The following BCAT1 variants were observed in gnomAD, a reference collection of about 807,000 sequenced individuals.
BCAT1 encodes branched chain amino acid transaminase 1, also known as branched-chain-amino-acid aminotransferase, cytosolic.
Under a neutral mutation model 52.4 loss-of-function variants are expected in BCAT1, and 48 were observed. The observed-to-expected ratio is 0.92, with a 90% confidence interval of 0.73 to 1.16. The LOEUF (loss-of-function observed/expected upper bound fraction) is 1.16, where lower values mean the gene tolerates loss of function less well. Among genes scored for constraint, BCAT1 ranks in the 50% most tolerant of loss-of-function variants. BCAT1 has a pLI of 0.00. For synonymous variants in BCAT1, 167 were observed against 161.3 expected (o/e 1.04, Z -0.27); for missense variants, 451 against 457.1 (o/e 0.99, Z 0.12).
chr12:24,918,172 C>T (rs899462044), intron 1 of BCAT1, among the ~76,000 whole-genome samples: 7 of 152,146 alleles, frequency 4.6e-5, no homozygotes, highest in Non-Finnish European at 7.3e-5. Flanking sequence ...GGGGAAGGTC[C>T]CCATGAGAAG....
intron 5 of BCAT1, among the ~76,000 whole-genome samples, chr12:24,851,765 G>A (rs1941520026): frequency 6.6e-6 from 1 of 152,152 alleles, no homozygotes. Context: ...TTCATTGTTT[G>A]GGAGGAAAAA....
intron 7 of BCAT1, among the ~76,000 whole-genome samples, chr12:24,840,355 G>C (rs766433844): frequency 6.6e-6 from 1 of 152,108 alleles, no homozygotes. Flanking sequence ...GGTAAGAGTG[G>C]GCAGATGGGA....
chr12:24,853,182 G>T (rs1333274183), intron 5 of BCAT1, among the ~76,000 whole-genome samples: 1 of 152,056 alleles, frequency 6.6e-6, no homozygotes, highest in East Asian at 1.9e-4. Context: ...CAACAACAAA[G>T]ACATGGAATC....
At chr12:24,931,835 T>C (rs932606791) in intron 1 of BCAT1, among the ~76,000 whole-genome samples, 3 of 152,084 alleles carry the variant, frequency 2.0e-5, no homozygotes, top group African/African-American at 7.3e-5. Context: ...CGCCACACGA[T>C]TCAGAAAACC....
At chr12:24,948,801 C>A in intron 1 of BCAT1, 126 bp downstream of exon 1, 2 of 1,021,172 alleles carry the variant, frequency 2.0e-6, no homozygotes, top group Non-Finnish European at 2.9e-6. Context: ...GAGACGTTTG[C>A]GGGGGATATA....
intron 1 of BCAT1, among the ~76,000 whole-genome samples, chr12:24,930,632 T>C (rs1232941379): frequency 3.3e-5 from 5 of 152,222 alleles, no homozygotes; most frequent in African/African-American, 1.2e-4. Context: ...ATCACTTTTT[T>C]ACCTCTTCCA....
intron 5 of BCAT1, 110 bp downstream of exon 5, chr12:24,878,420 A>T: frequency 1.0e-6 from 1 of 961,328 alleles, no homozygotes; most frequent in Non-Finnish European, 1.4e-6. Flanking sequence ...AGAAGTCATT[A>T]ATGATGCTAC....
At chr12:24,943,769 G>A (rs1482449823) in intron 1 of BCAT1, among the ~76,000 whole-genome samples, 1 of 152,036 alleles carries the variant, frequency 6.6e-6, no homozygotes, top group South Asian at 2.1e-4. Flanking sequence ...CAGATCACGA[G>A]GTCAGGAGAT....
intron 5 of BCAT1, among the ~76,000 whole-genome samples, chr12:24,874,443 G>T (rs528180872): frequency 1.3e-5 from 2 of 152,140 alleles, no homozygotes; most frequent in African/African-American, 4.8e-5. Context: ...TAATTATATG[G>T]CAGTGACTGA....
intron 1 of BCAT1, among the ~76,000 whole-genome samples, chr12:24,930,579 C>A (rs1210549695): frequency 6.6e-6 from 1 of 152,214 alleles, no homozygotes; most frequent in Non-Finnish European, 1.5e-5. Flanking sequence ...CAAAGCATTT[C>A]TCACTTAATT....
At chr12:24,931,892 T>C (rs1943681899) in intron 1 of BCAT1, among the ~76,000 whole-genome samples, 1 of 152,154 alleles carries the variant, frequency 6.6e-6, no homozygotes, top group Admixed American at 6.5e-5. Flanking sequence ...GAGGAAGTCT[T>C]AGGCAGGCAG....
chr12:24,868,427 A>C (rs1341382181), intron 5 of BCAT1, among the ~76,000 whole-genome samples: 1 of 152,226 alleles, frequency 6.6e-6, no homozygotes, highest in African/African-American at 2.4e-5. Flanking sequence ...AAAATTGTTC[A>C]TAGTATCACC....
intron 3 of BCAT1, among the ~76,000 whole-genome samples, chr12:24,882,056 T>A (rs551344442): frequency 6.6e-6 from 1 of 152,226 alleles, no homozygotes; most frequent in East Asian, 1.9e-4. Flanking sequence ...AGTGGGAAAA[T>A]TTAACACAGC....
rs148416617 is a variant in BCAT1, at chr12:24,828,777, G to A, written c.1119+1046C>T. Among the ~76,000 whole-genome samples, 115 of 152,026 alleles carry A rather than the reference G, an allele frequency of 7.6e-4. 2 individuals carry two copies. Among genetic ancestry groups the A allele is most frequent in the African/African-American group, 2.4e-4 (10 of 41,482 alleles). ...TCCCAGCACTTTGGGAAGCCAAGGC[G>A]GGTGGATCACCTGAGGTCAAGAGTT... On this transcript the variant is annotated intron_variant, in intron 10 of 10. Coordinates refer to ENST00000261192, the MANE Select transcript of BCAT1 (RefSeq NM_005504.7).
At chr12:24,945,406 G>A (rs909893019) in intron 1 of BCAT1, 8 of 152,228 alleles carry the variant, frequency 5.3e-5, no homozygotes, top group African/African-American at 1.9e-4. Context: ...GCTCAGGAAA[G>A]GCCAACAGTA....
chr12:24,921,074 C>T (rs1348651021), intron 1 of BCAT1, among the ~76,000 whole-genome samples: 1 of 151,998 alleles, frequency 6.6e-6, no homozygotes, highest in African/African-American at 2.4e-5. Context: ...GCACAGGAGG[C>T]TCACGGGAAG....
At chr12:24,823,470 G>A (rs1378378668) in intron 10 of BCAT1, among the ~76,000 whole-genome samples, 4 of 152,112 alleles carry the variant, frequency 2.6e-5, no homozygotes, top group African/African-American at 9.7e-5. Flanking sequence ...ACATTAAAGA[G>A]TTAAACAAGA....
chr12:24,845,054 A>G (rs1177050751), intron 6 of BCAT1, among the ~76,000 whole-genome samples: 3 of 151,116 alleles, frequency 2.0e-5, no homozygotes, highest in African/African-American at 7.3e-5. Context: ...CTCTACCAAA[A>G]ATATAAAAAA....
In BCAT1 at chr12:24,854,044, A is replaced by G. The variant is rs373280854; in HGVS notation, c.511-4095T>C. Among the ~76,000 whole-genome samples the G allele has an allele frequency of 4.8e-4, 73 of 152,352 alleles. No individual in the cohort carries two copies. The South Asian group carries it at 6.6e-3, about 14-fold the overall frequency. On this transcript the variant is annotated intron_variant, in intron 5 of 10. Transcript: ENST00000261192. ...TACCTCACAAATACATGGCAAATAC[A>G]TATACAAGGGTTTTTAAATACATGG...
Sources: gnomAD v4.1 joint callset for allele counts (sites outside exome capture counted in the v4.1 genomes callset) on GRCh38, gnomAD v4.1.1 for gene constraint, MANE v1.5 for transcripts, NCBI Gene and HGNC (gene_info 2026-07-23, HGNC 2026-07-21) for gene names.